USP32: variants seen among roughly 807,000 people sequenced by gnomAD.
USP32 encodes the protein ubiquitin carboxyl-terminal hydrolase 32.
Under a neutral mutation model 204.8 loss-of-function variants are expected in USP32, and 59 were observed. The ratio of observed to expected loss-of-function variants is 0.29; its 90% CI spans 0.23 to 0.36. The LOEUF (loss-of-function observed/expected upper bound fraction) is 0.36. Ranked by LOEUF, USP32 falls within the 10% of genes least tolerant of loss-of-function variation. USP32 has a pLI of 1.00. For missense variants in USP32, 1,160 were observed against 1,946.4 expected (o/e 0.60, Z 7.60); for synonymous variants, 517 against 678.4 (o/e 0.76, Z 3.70).
chr17:60,219,113 G>T (rs1192158817), intron 16 of USP32, among the ~76,000 whole-genome samples: 1 of 152,040 alleles, frequency 6.6e-6, no homozygotes, highest in Non-Finnish European at 1.5e-5. Context: ...TATGCCTTTT[G>T]CTCTGTACTC....
At chr17:60,223,695 A>C (rs1181347075) in intron 13 of USP32, 109 bp from the exon 14 acceptor site, 1 of 893,274 alleles carries the variant, frequency 1.1e-6, no homozygotes, top group Non-Finnish European at 1.6e-6. Flanking sequence ...TTGACATGTC[A>C]GTACAGATTA....
intron 5 of USP32, among the ~76,000 whole-genome samples, chr17:60,272,375 T>C (rs1168972392): frequency 1.3e-5 from 2 of 152,218 alleles, no homozygotes; most frequent in African/African-American, 4.8e-5. Flanking sequence ...TTCCTCAGAA[T>C]ATACATCAAA....
intron 9 of USP32, among the ~76,000 whole-genome samples, chr17:60,264,594 C>T (rs533501015): frequency 5.4e-4 from 81 of 150,098 alleles, no homozygotes; most frequent in Non-Finnish European, 9.9e-4. Flanking sequence ...CAGTGGCTCA[C>T]GCCTATAATC....
At chr17:60,211,172 T>C (rs1257334178) in intron 20 of USP32, 54 bp from the exon 21 acceptor site, 16 of 1,591,228 alleles carry the variant, frequency 1.0e-5, no homozygotes, top group African/African-American at 4.1e-5. Flanking sequence ...ATCACAATCA[T>C]GTGGGCGCAA....
chr17:60,336,643 G>A (rs1238948781), intron 2 of USP32, among the ~76,000 whole-genome samples: 19 of 145,802 alleles, frequency 1.3e-4, no homozygotes, highest in Admixed American at 4.1e-4. Context: ...GTGAACCCGG[G>A]AGGCGGAGCT....
chr17:60,196,866 T>A (rs2084533642), intron 27 of USP32, among the ~76,000 whole-genome samples: 1 of 152,038 alleles, frequency 6.6e-6, no homozygotes, highest in Admixed American at 6.6e-5. Context: ...CTTATTTAAG[T>A]AAAGATTTAT....
chr17:60,297,218 C>T (rs1479693102), intron 3 of USP32, among the ~76,000 whole-genome samples: 2 of 151,906 alleles, frequency 1.3e-5, no homozygotes, highest in African/African-American at 2.4e-5. Context: ...GGCAACATAG[C>T]GAGACCCCTA....
intron 1 of USP32, among the ~76,000 whole-genome samples, chr17:60,355,960 C>T (rs1003320667): frequency 6.0e-5 from 9 of 150,606 alleles, no homozygotes; most frequent in African/African-American, 2.2e-4. Flanking sequence ...ACCTTCTCCC[C>T]AGCTATGCAA....
In USP32 at chr17:60,212,012, C is replaced by T; in HGVS notation, c.2179+12G>A. 6.5e-7 allele frequency: 1 copy of T among 1,545,842 alleles called. No homozygotes were observed. Among genetic ancestry groups the T allele is most frequent in the Non-Finnish European group, 8.9e-7 (1 of 1,128,072 alleles). On this transcript the variant is annotated intron_variant, in intron 19 of 33. Transcript: ENST00000300896. The stretch of plus-strand genomic sequence containing the variant: ...AAAATAATCTCTTTAAAAAATAATA[C>T]TGGAGACTTACCCTTGTGTCTATCT...
At chr17:60,199,335 G>T (rs1012039541) in intron 26 of USP32, among the ~76,000 whole-genome samples, 4 of 151,950 alleles carry the variant, frequency 2.6e-5, no homozygotes, top group African/African-American at 9.7e-5. Flanking sequence ...TTTAAATACA[G>T]GATAGGATAA....
chr17:60,180,314 C>T (rs1471001954), intron 33 of USP32, among the ~76,000 whole-genome samples: 2 of 152,228 alleles, frequency 1.3e-5, no homozygotes, highest in Non-Finnish European at 2.9e-5. Context: ...GGATTACAGG[C>T]ATGAGCCACT....
At chr17:60,254,592 G>A (rs2086247408) in intron 10 of USP32, among the ~76,000 whole-genome samples, 1 of 152,108 alleles carries the variant, frequency 6.6e-6, no homozygotes, top group Non-Finnish European at 1.5e-5. Context: ...CCAGCTACTT[G>A]GGAGGCTGCG....
At chr17:60,245,519 G>A in intron 11 of USP32, 1 of 322,672 alleles carries the variant, frequency 3.1e-6, no homozygotes, top group South Asian at 3.0e-5. Flanking sequence ...TACAAACTCT[G>A]TTGTCAATAC....
At chr17:60,336,584 C>T (rs964387583) in intron 2 of USP32, among the ~76,000 whole-genome samples, 3 of 143,138 alleles carry the variant, frequency 2.1e-5, no homozygotes, top group African/African-American at 8.7e-5. Context: ...GGCGTAGTGG[C>T]GGGCGCCTGT....
At chr17:60,421,571 G>A (rs1206306275) in intron 1 of USP32, 3 of 985,334 alleles carry the variant, frequency 3.0e-6, no homozygotes, top group African/African-American at 3.5e-5. Flanking sequence ...GGGAAGAAAA[G>A]GTGGCTCGAG....
At chr17:60,338,527 T>C (rs1033376767) in intron 2 of USP32, among the ~76,000 whole-genome samples, 1 of 151,754 alleles carries the variant, frequency 6.6e-6, no homozygotes, top group Non-Finnish European at 1.5e-5. Context: ...GCTCTGGAGT[T>C]CAAGACCACC....
At chr17:60,185,357 A>C in intron 30 of USP32, 103 bp downstream of exon 30, 1 of 1,356,920 alleles carries the variant, frequency 7.4e-7, no homozygotes, top group East Asian at 2.3e-5. Flanking sequence ...ACACTGCTGC[A>C]GGAAAGGTCT....
At chr17:60,294,859 G>A in intron 3 of USP32, 58 bp from the exon 4 acceptor site, 5 of 1,110,848 alleles carry the variant, frequency 4.5e-6, no homozygotes, top group Non-Finnish European at 6.7e-6. Flanking sequence ...ATACGTTGGT[G>A]GAAGTAGGGA....
At chr17:60,238,238 A>T (rs979512854) in intron 11 of USP32, among the ~76,000 whole-genome samples, 13 of 152,146 alleles carry the variant, frequency 8.5e-5, no homozygotes, top group African/African-American at 2.7e-4. Context: ...CTATTTTTAA[A>T]TTGGGTTGTT....
Sources: allele counts gnomAD v4.1 joint callset (sites outside exome capture counted in the v4.1 genomes callset), GRCh38; gene constraint gnomAD v4.1.1; transcripts MANE v1.5; gene names NCBI Gene and HGNC (gene_info 2026-07-23, HGNC 2026-07-21).